CACNB2: variants seen among roughly 807,000 people sequenced by gnomAD.
The protein encoded by CACNB2 is calcium voltage-gated channel auxiliary subunit beta 2.
A neutral mutation model predicts 73.3 loss-of-function variants in CACNB2; 42 were observed. The observed-to-expected ratio is 0.57, with a 90% CI of 0.45 to 0.74. The LOEUF is 0.74. Ranked by LOEUF, CACNB2 falls within the 30% of genes least tolerant of loss-of-function variation. The pLI, the probability that CACNB2 is intolerant of heterozygous loss-of-function variation, is 0.00. For missense variants in CACNB2, 940 were observed against 853.0 expected (o/e 1.10, Z -1.27); for synonymous variants, 348 against 310.3 (o/e 1.12, Z -1.28).
In CACNB2 at chr10:18,422,535, C is replaced by G. The variant is rs534011797; in HGVS notation, c.333+20492C>G. On this transcript the variant is annotated intron_variant, in intron 3 of 13. Transcript: ENST00000324631. Reference sequence around the variant, plus strand: ...CTAGCATGCTATTGCTCTTTCTCATCAACTTTCCATCTCTCCTCACTCGTC... The same window carrying G: ...CTAGCATGCTATTGCTCTTTCTCATGAACTTTCCATCTCTCCTCACTCGTC... 3.3e-5 allele frequency among the ~76,000 whole-genome samples: 5 copies of G among 152,302 alleles called. No individual in the cohort carries two copies. In the South Asian group the frequency reaches 1.0e-3, roughly 32 times the overall value.
Position 18,269,463 on chromosome 10 carries a change from A to C in CACNB2, c.213+118488A>C, listed in dbSNP as rs374393242. Among the ~76,000 whole-genome samples, 28 of 152,314 alleles carry C rather than the reference A, an allele frequency of 1.8e-4. No homozygotes were observed. In the East Asian group the frequency reaches 2.5e-3, roughly 14 times the overall value. ...TATTCCTTCAGGTGGTCATGAGTCC[A>C]TCCTCAACTCTAGAGAAGCTGGTGA... is the stretch of plus-strand genomic sequence containing the variant. On this transcript the variant is annotated intron_variant, in intron 2 of 13. Coordinates refer to ENST00000324631, the MANE Select transcript of CACNB2 (RefSeq NM_201596.3).
chr10:18,334,397 T>G (rs1236659738), intron 2 of CACNB2, among the ~76,000 whole-genome samples: 1 of 152,138 alleles, frequency 6.6e-6, no homozygotes, highest in Non-Finnish European at 1.5e-5. Context: ...GGGTCTGGTT[T>G]TTCTCCTCCT....
chr10:18,177,151 A>G (rs988705746), intron 2 of CACNB2, among the ~76,000 whole-genome samples: 7 of 152,128 alleles, frequency 4.6e-5, no homozygotes, highest in African/African-American at 9.7e-5. Flanking sequence ...CAGATCACCC[A>G]TCAAATCATG....
intron 2 of CACNB2, 90 bp downstream of exon 2, chr10:18,151,065 T>G (rs914643623): frequency 3.7e-5 from 31 of 839,998 alleles, no homozygotes; most frequent in Middle Eastern, 2.5e-4. Context: ...TTAAGATTTA[T>G]GTAGTATGAT....
chr10:18,231,220 A>T (rs561730823), intron 2 of CACNB2, among the ~76,000 whole-genome samples: 1 of 152,244 alleles, frequency 6.6e-6, no homozygotes, highest in Admixed American at 6.5e-5. Flanking sequence ...TCTGTTGCCC[A>T]GGCTAGAGTG....
intron 11 of CACNB2, among the ~76,000 whole-genome samples, chr10:18,534,800 G>C (rs1425791358): frequency 1.3e-5 from 2 of 152,200 alleles, no homozygotes; most frequent in Admixed American, 1.3e-4. Flanking sequence ...TGGTTTGATT[G>C]AGTTGTGAAC....
chr10:18,226,251 T>C (rs1029622270), intron 2 of CACNB2, among the ~76,000 whole-genome samples: 7 of 152,100 alleles, frequency 4.6e-5, no homozygotes, highest in Non-Finnish European at 8.8e-5. Flanking sequence ...AATTTCGAAC[T>C]CCTGAGCTCA....
Position 18,186,438 on chromosome 10 carries a change from A to T in CACNB2, c.213+35463A>T, listed in dbSNP as rs999017944. Among the ~76,000 whole-genome samples the T allele has an allele frequency of 3.9e-5, 6 of 152,048 alleles. No homozygotes were observed. In the East Asian group the frequency reaches 5.8e-4, roughly 15 times the overall value. On this transcript the variant is annotated intron_variant, in intron 2 of 13. Transcript: ENST00000324631. ...CCGTCTGAAAAAAAAAAAGAAAGAAAGAAATACCTGAGACTGGGTAATTTC... is the reference window on the plus strand; with the variant it reads ...CCGTCTGAAAAAAAAAAAGAAAGAATGAAATACCTGAGACTGGGTAATTTC...
chr10:18,220,214 T>G (rs1210672427), intron 2 of CACNB2, among the ~76,000 whole-genome samples: 531 of 46,026 alleles, frequency 0.012, 20 homozygotes, highest in African/African-American at 0.015. Flanking sequence ...TATATATATA[T>G]ATATATATAT....
At chr10:18,153,814 T>G (rs887471418) in intron 2 of CACNB2, among the ~76,000 whole-genome samples, 1 of 148,752 alleles carries the variant, frequency 6.7e-6, no homozygotes, top group Non-Finnish European at 1.5e-5. Flanking sequence ...ACTCCTGACC[T>G]CAGGTGATCC....
chr10:18,400,909 C>T, intron 2 of CACNB2: 1 of 1,557,888 alleles, frequency 6.4e-7, no homozygotes, highest in Non-Finnish European at 8.7e-7. Context: ...CAGAAAGGGA[C>T]GGAGAACAGG....
chr10:18,401,801 A>G, intron 2 of CACNB2, 123 bp from the exon 3 acceptor site: 1 of 970,436 alleles, frequency 1.0e-6, no homozygotes, highest in East Asian at 2.4e-5. Flanking sequence ...AAAATGAATT[A>G]TTTTCTCCTC....
chr10:18,388,171 A>C (rs974224728), intron 2 of CACNB2, among the ~76,000 whole-genome samples: 1 of 152,218 alleles, frequency 6.6e-6, no homozygotes, highest in Non-Finnish European at 1.5e-5. Context: ...CAAATGCAAA[A>C]TAGAGCAGAT....
chr10:18,185,734 C>T (rs990289279), intron 2 of CACNB2, among the ~76,000 whole-genome samples: 3 of 151,982 alleles, frequency 2.0e-5, no homozygotes, highest in Non-Finnish European at 4.4e-5. Flanking sequence ...TTCCCATTTG[C>T]GTAGCTTTCT....
chr10:18,181,209 G>C (rs998788829), intron 2 of CACNB2, among the ~76,000 whole-genome samples: 2 of 152,054 alleles, frequency 1.3e-5, no homozygotes, highest in East Asian at 3.9e-4. Flanking sequence ...GCAAGCACTG[G>C]AATGACCTTA....
chr10:18,498,872 T>C (rs1042396745), intron 4 of CACNB2: 19 of 230,600 alleles, frequency 8.2e-5, no homozygotes, highest in African/African-American at 3.7e-4. Context: ...GACTCTTCTC[T>C]CTGCTGACAG....
At chr10:18,525,055 TA>T (rs1210335485) in intron 9 of CACNB2, among the ~76,000 whole-genome samples, 1 of 148,684 alleles carries the variant, frequency 6.7e-6, no homozygotes, top group African/African-American at 2.5e-5. Flanking sequence ...AAAAACACAT[TA>T]TATGACATAG....
intron 2 of CACNB2, among the ~76,000 whole-genome samples, chr10:18,212,846 C>T (rs1318735200): frequency 6.6e-6 from 1 of 152,152 alleles, no homozygotes; most frequent in East Asian, 1.9e-4. Context: ...AATTACAAAT[C>T]ACCAGATTAA....
rs2051055536 is a variant in CACNB2, at chr10:18,514,253, A to G, written c.688A>G (p.Thr230Ala). The stretch of plus-strand genomic sequence containing the variant: ...GTATATAGCTATAGACATAGATGCT[A>G]CTGGCTTAGATGCAGAAGAAAATGA... Reference protein sequence around the residue: ...PPSSAIDIDATGLDAEENDIP... With the variant: ...PPSSAIDIDAAGLDAEENDIP... Residue 230 changes from threonine (T) to alanine (A), a missense_variant, in exon 7 of 14, where the codon ACT (threonine) becomes GCT (alanine). Thr to Ala is a moderately conservative substitution (Grantham distance 58). Coordinates refer to ENST00000324631, the MANE Select transcript of CACNB2 (RefSeq NM_201596.3). The G allele has an allele frequency of 6.2e-7, 1 of 1,614,082 alleles. No homozygotes were observed. The highest frequency in any genetic ancestry group is 8.5e-7 in the Non-Finnish European group (1 of 1,179,970).
Sources: allele counts gnomAD v4.1 joint callset (sites outside exome capture counted in the v4.1 genomes callset), GRCh38; gene constraint gnomAD v4.1.1; transcripts MANE v1.5; gene names NCBI Gene and HGNC (gene_info 2026-07-23, HGNC 2026-07-21).